The following CPT1C variants were observed in gnomAD, a reference collection of about 807,000 sequenced individuals.
CPT1C encodes the protein carnitine palmitoyltransferase 1C, also known as palmitoyl thioesterase CPT1C.
A neutral mutation model predicts 97.3 loss-of-function variants in CPT1C; 61 were observed. The ratio of observed to expected loss-of-function variants is 0.63; its 90% confidence interval spans 0.51 to 0.78. The LOEUF (loss-of-function observed/expected upper bound fraction) is 0.78. CPT1C is among the 30% of genes least tolerant of loss of function. The pLI is 0.00. For synonymous variants in CPT1C, 469 were observed against 447.2 expected (o/e 1.05, Z -0.61); for missense variants, 975 against 1,065.5 (o/e 0.92, Z 1.18).
At chr19:49,702,856 T>C (rs2083262162) in intron 7 of CPT1C, among the ~76,000 whole-genome samples, 1 of 151,654 alleles carries the variant, frequency 6.6e-6, no homozygotes, top group South Asian at 2.1e-4. Flanking sequence ...TTGTAGGTCA[T>C]TGAGACACTG....
intron 3 of CPT1C, among the ~76,000 whole-genome samples, chr19:49,694,087 A>T (rs564586057): frequency 2.0e-4 from 21 of 107,540 alleles, no homozygotes; most frequent in Middle Eastern, 0.011. Flanking sequence ...AATAAAATAA[A>T]AAATAAATAA....
chr19:49,710,398 T>G lies in CPT1C; in HGVS notation c.1645T>G (p.Ser549Ala). The G allele has an allele frequency of 6.2e-7, 1 of 1,614,114 alleles. No homozygotes were observed. The highest frequency in any genetic ancestry group is 1.1e-5 in the South Asian group (1 of 91,080). The change falls in exon 15 of 20, where the codon TCC becomes GCC. Residue 549 changes from serine to alanine, a missense_variant. Ser to Ala is a moderately conservative substitution (Grantham distance 99). This residue lies in a region of CPT1C where 344 missense variants were observed against 395.7 expected (regional missense o/e 0.87). Transcript: ENST00000598293. Reference sequence around the variant, plus strand: ...TGTCGACTGCCATGTCGTTCCATTCTCCCTATTTGGCAAGAGCTTCATCCG... The same window carrying G: ...TGTCGACTGCCATGTCGTTCCATTCGCCCTATTTGGCAAGAGCTTCATCCG... ...ENVDCHVVPF[S>A]LFGKSFIRRC... is the part of the protein sequence containing the mutation.
chr19:49,703,499 CCT>C (rs2083308860), intron 7 of CPT1C, among the ~76,000 whole-genome samples: 1 of 143,086 alleles, frequency 7.0e-6, no homozygotes, highest in African/African-American at 2.5e-5. Context: ...CCATGCCCGG[CCT>C]CTTTCTTTCT....
chr19:49,692,096 G>A, intron 2 of CPT1C, 143 bp from the exon 3 acceptor site: 1 of 727,710 alleles, frequency 1.4e-6, no homozygotes, highest in East Asian at 3.0e-5. Context: ...GAGGGGCTGG[G>A]GGCCTGGACT....
intron 3 of CPT1C, among the ~76,000 whole-genome samples, chr19:49,696,794 G>A (rs933426211): frequency 2.6e-5 from 4 of 151,968 alleles, no homozygotes; most frequent in African/African-American, 7.2e-5. Flanking sequence ...CACCATGCCC[G>A]GCTAATTTTT....
Position 49,698,922 on chromosome 19 carries a change from G to T in CPT1C, c.281+1457G>T, listed in dbSNP as rs542126590. 7.2e-5 allele frequency among the ~76,000 whole-genome samples: 11 copies of T among 152,066 alleles called. No individual in the cohort carries two copies. The South Asian group carries it at 2.3e-3, about 32-fold the overall frequency. On this transcript the variant is annotated intron_variant, in intron 4 of 19. Coordinates refer to ENST00000598293, the MANE Select transcript of CPT1C (RefSeq NM_001199753.2). ...GCTTGAGACCAGTCTGGCCAACATG[G>T]TGAAACTCTGTCTCTACTAAAAATA...
At chr19:49,703,459 C>T in intron 7 of CPT1C, among the ~76,000 whole-genome samples, 1 of 151,600 alleles carries the variant, frequency 6.6e-6, no homozygotes, top group African/African-American at 2.4e-5. Flanking sequence ...CTCGGCCTCC[C>T]AAAGTGTTGG....
In CPT1C at chr19:49,700,936, C is replaced by T. The variant is rs1398767609; in HGVS notation, c.453+81C>T. The T allele has an allele frequency of 1.7e-5, 25 of 1,437,778 alleles. No individual in the cohort carries two copies. The Middle Eastern group carries it at 5.4e-4, about 31-fold the overall frequency. The allele number at this position is 1,437,778 out of a possible 1,614,324, so 89.1% of individuals were successfully genotyped here. ...CCTCTCTCTGGGTCTCTGTCCCCCT[C>T]TCTCTGGGTCTCTGTCCCTCTCTCT... On this transcript the variant is annotated intron_variant, in intron 5 of 19. Transcript: ENST00000598293.
At position 49,713,502 on chromosome 19, in the gene CPT1C, GC is replaced by G. The variant is rs1568549917; in HGVS notation, c.2311del (p.Arg771GlyfsTer28). The G allele has an allele frequency of 1.9e-6, 3 of 1,614,056 alleles. No individual in the cohort carries two copies. The Admixed American group carries it at 5.0e-5, about 27-fold the overall frequency. Reference sequence around the variant, plus strand: ...TTCCAGGCGGGACAGCATTTTAAGCGCCGGTTCAGAGGGTCAGGGAAGGAGA... The same window carrying G: ...TTCCAGGCGGGACAGCATTTTAAGCGCGGTTCAGAGGGTCAGGGAAGGAGA... ...SLFQAGQHFK[R>X]RFRGSGKENS... On this transcript the variant is annotated frameshift_variant, in exon 20 of 20. Transcript: ENST00000598293. LOFTEE classifies it low-confidence loss of function (END_TRUNC).
chr19:49,703,578 TCCC>T (rs2083322296), intron 7 of CPT1C, among the ~76,000 whole-genome samples: 13 of 38,296 alleles, frequency 3.4e-4, no homozygotes, highest in African/African-American at 1.4e-3. Flanking sequence ...CCTCCCTCCC[TCCC>T]TCCCTCCCTC....
At position 49,705,046 on chromosome 19, in the gene CPT1C, C is replaced by G. The variant is rs201458521; in HGVS notation, c.811C>G (p.Arg271Gly). Residue 271 changes from arginine to glycine, a missense_variant, in exon 9 of 20, where the codon CGC becomes GGC. Physicochemically the swap from Arg to Gly is moderately radical, Grantham distance 125 (BLOSUM62 -2). Around this residue, in one of 3 missense-constraint regions of CPT1C, gnomAD observed 596 missense variants for 603.1 expected, o/e 0.99. Transcript: ENST00000598293. ...YVTPTPLQAA[R>G]AGNAVHALLL... is the part of the protein sequence containing the mutation. ...CACACCCACGCCTCTGCAGGCAGCT[C>G]GCGCTGGGAATGCCGTCCATGCCCT... is the stretch of plus-strand genomic sequence containing the variant. 1.1e-5 allele frequency: 17 copies of G among 1,610,174 alleles called. No homozygotes were observed. The highest frequency in any genetic ancestry group is 1.4e-5 in the Non-Finnish European group (16 of 1,177,386).
intron 4 of CPT1C, among the ~76,000 whole-genome samples, chr19:49,698,443 A>C (rs1478671708): frequency 1.3e-5 from 2 of 151,898 alleles, no homozygotes; most frequent in Non-Finnish European, 2.9e-5. Flanking sequence ...TGGCCAGATC[A>C]CCTGAGGTCA....
At chr19:49,712,946 C>A (rs1333117927) in intron 18 of CPT1C, 26 bp from the exon 19 acceptor site, 14 of 1,606,060 alleles carry the variant, frequency 8.7e-6, no homozygotes, top group Admixed American at 3.3e-5. Context: ...GAGCTATTTT[C>A]TTCCCTTCAC....
At chr19:49,707,270 A>G (rs1172060161) in intron 12 of CPT1C, among the ~76,000 whole-genome samples, 1 of 151,994 alleles carries the variant, frequency 6.6e-6, no homozygotes, top group Non-Finnish European at 1.5e-5. Flanking sequence ...GGGCGACAAG[A>G]GTGAAACTCC....
intron 19 of CPT1C, 23 bp downstream of exon 19, chr19:49,713,087 C>G: frequency 6.3e-7 from 1 of 1,582,236 alleles, no homozygotes; most frequent in Non-Finnish European, 8.7e-7. Context: ...TGTATACCCA[C>G]CAACTCCCTC....
rs1206887349 is a variant in CPT1C at position 49,712,914 on chromosome 19, A to G, written c.2134-58A>G. 11 of 1,587,144 alleles carry G rather than the reference A, an allele frequency of 6.9e-6. No homozygotes were observed. The Admixed American group carries it at 1.7e-4, about 24-fold the overall frequency. On this transcript the variant is annotated intron_variant, in intron 18 of 19. Coordinates refer to ENST00000598293, the MANE Select transcript of CPT1C (RefSeq NM_001199753.2). ...GGGGCTGGGGGGCCTGCACTCCTGC[A>G]TAGTGGGGGTGGAGGGGACCGGAGC...
chr19:49,710,216 G>T lies in CPT1C; in HGVS notation c.1567-104G>T, dbSNP rs139979409. The T allele has an allele frequency of 3.6e-6, 4 of 1,121,242 alleles. No individual in the cohort carries two copies. In the South Asian group the frequency reaches 4.2e-5, roughly 12 times the overall value. The allele number at this position is 1,121,242 out of a possible 1,614,324, so 69.5% of individuals were successfully genotyped here. A position where few individuals can be genotyped will look rare whatever the true frequency, so the allele number is the denominator to read the frequency against. ...TTTGTCCCCATTTCCATATTCTGCCGCAACCTTAACTCCACATCCACCTCC... is the reference window on the plus strand; with the variant it reads ...TTTGTCCCCATTTCCATATTCTGCCTCAACCTTAACTCCACATCCACCTCC... On this transcript the variant is annotated intron_variant, in intron 14 of 19. Transcript: ENST00000598293.
chr19:49,713,268 G>T, intron 19 of CPT1C, 152 bp from the exon 20 acceptor site: 1 of 793,406 alleles, frequency 1.3e-6, no homozygotes, highest in Non-Finnish European at 2.0e-6. Context: ...CGGGAGTCCA[G>T]GCCCCCAGCC....
chr19:49,712,411 G>C (rs2083950977), intron 17 of CPT1C: 1 of 387,522 alleles, frequency 2.6e-6, no homozygotes, highest in South Asian at 3.2e-5. Context: ...GTTGTGGGGG[G>C]GCGGCAAGGC....
Sources: allele counts gnomAD v4.1 joint callset (sites outside exome capture counted in the v4.1 genomes callset), GRCh38; gene constraint gnomAD v4.1.1; regional missense constraint gnomAD v4.1.1; transcripts MANE v1.5; gene names NCBI Gene and HGNC (gene_info 2026-07-23, HGNC 2026-07-21).